Variants in DENND2B observed in about 807,000 individuals in gnomAD.
The protein encoded by DENND2B is DENN domain-containing protein 2B.
In DENND2B, 32 loss-of-function variants were observed where a neutral mutation model predicts 116.0. That is an observed-to-expected ratio of 0.28 (90% confidence interval 0.21 to 0.37). The LOEUF (loss-of-function observed/expected upper bound fraction) is 0.37. Ranked by LOEUF, DENND2B falls within the 10% of genes least tolerant of loss-of-function variation. The pLI is 1.00. For synonymous variants in DENND2B, 588 were observed against 583.9 expected, an observed-to-expected ratio of 1.01 and a Z score of -0.10; for missense variants, 1,276 against 1,477.7, an observed-to-expected ratio of 0.86 and a Z score of 2.24.
intron 2 of DENND2B, among the ~76,000 whole-genome samples, chr11:8,740,737 C>A (rs1211977786): frequency 6.6e-6 from 1 of 152,142 alleles, no homozygotes; most frequent in Non-Finnish European, 1.5e-5. Flanking sequence ...AATGAAACTG[C>A]CTGGAAGGTG....
intron 4 of DENND2B, among the ~76,000 whole-genome samples, chr11:8,723,259 T>C (rs1565727519): frequency 1.3e-5 from 2 of 152,224 alleles, no homozygotes; most frequent in South Asian, 2.1e-4. Context: ...GGTCCTCCCA[T>C]TCTCTATTAT....
At chr11:8,831,712 A>G (rs2062214182) in intron 4 of DENND2B, 1 of 152,188 alleles carries the variant, frequency 6.6e-6, no homozygotes, top group Admixed American at 6.5e-5. Flanking sequence ...AAAAAGATGG[A>G]AAAATTAAAT....
intron 1 of DENND2B, among the ~76,000 whole-genome samples, chr11:8,890,233 C>A (rs977180403): frequency 6.6e-6 from 1 of 152,106 alleles, no homozygotes; most frequent in Non-Finnish European, 1.5e-5. Flanking sequence ...ACACCAAAAC[C>A]CCATATGTAC....
intron 1 of DENND2B, among the ~76,000 whole-genome samples, chr11:8,761,602 T>C (rs1433379962): frequency 6.6e-6 from 1 of 152,164 alleles, no homozygotes; most frequent in African/African-American, 2.4e-5. Flanking sequence ...TCAGTGTCCC[T>C]TGCCCCCCAT....
At chr11:8,708,294 T>C (rs2042969267) in intron 11 of DENND2B, 1 of 985,450 alleles carries the variant, frequency 1.0e-6, no homozygotes. Flanking sequence ...ATACCATTCC[T>C]TTTTTTGCTT....
chr11:8,855,574 T>C (rs1001062174), intron 3 of DENND2B, among the ~76,000 whole-genome samples: 10 of 151,660 alleles, frequency 6.6e-5, no homozygotes, highest in African/African-American at 2.2e-4. Context: ...AAATACCAAG[T>C]GCTGTGCACC....
intron 4 of DENND2B, chr11:8,831,431 C>G (rs980473593): frequency 6.6e-6 from 1 of 152,444 alleles, no homozygotes; most frequent in Admixed American, 6.5e-5. Context: ...CTTTTGTGCT[C>G]CCCACAGCCA....
rs764344582 is a variant in DENND2B, at chr11:8,717,786, C to G, written c.1584G>C (p.Arg528Ser). The G allele has an allele frequency of 3.1e-6, 5 of 1,608,842 alleles. No individual in the cohort carries two copies. Among genetic ancestry groups the G allele is most frequent in the Non-Finnish European group, 3.4e-6 (4 of 1,176,624 alleles). ...ACTTCCTGTCCTGAGGACTCCACAT[C>G]CTGTGCAAAGAGTCCAAGGAGTTCT... is the stretch of plus-strand genomic sequence containing the variant. The part of the protein sequence containing the change: ...LSENSLDSLH[R>S]MWSPQDRKYN... Residue 528 changes from arginine (R) to serine (S), a missense_variant, in exon 5 of 20, where the codon AGG becomes AGC. By Grantham distance (110) the Arg-to-Ser change is moderately radical. Coordinates refer to ENST00000313726, the MANE Select transcript of DENND2B (RefSeq NM_213618.2).
At chr11:8,820,891 G>A (rs923243313) in intron 4 of DENND2B, among the ~76,000 whole-genome samples, 1 of 152,154 alleles carries the variant, frequency 6.6e-6, no homozygotes, top group Non-Finnish European at 1.5e-5. Flanking sequence ...GGAGGCCAAG[G>A]TAGGTGGATC....
rs1441581889 is a variant in DENND2B, at chr11:8,782,880, C to CT, written c.-26+27636dup. On this transcript the variant is annotated intron_variant, in intron 1 of 19. Coordinates refer to ENST00000313726, the MANE Select transcript of DENND2B (RefSeq NM_213618.2). ...CCAGCCTGGGCAACAGTGTGAGACT[C>CT]TGTCTCAAAAAAAAAAAAAAAAAAA... Among the ~76,000 whole-genome samples the CT allele has an allele frequency of 6.8e-5, 7 of 102,974 alleles. No individual in the cohort carries two copies. The Admixed American group carries it at 8.1e-4, about 12-fold the overall frequency. 67.6% of individuals were successfully genotyped at this position (102,974 alleles called of 152,430 possible).
intron 4 of DENND2B, among the ~76,000 whole-genome samples, chr11:8,838,106 A>G (rs1482752646): frequency 6.6e-6 from 1 of 152,180 alleles, no homozygotes; most frequent in Non-Finnish European, 1.5e-5. Flanking sequence ...TACTTTTTCA[A>G]AGTGACTACA....
chr11:8,702,060 C>T lies in DENND2B; in HGVS notation c.2720+512G>A, dbSNP rs1395403710. On this transcript the variant is annotated intron_variant, in intron 14 of 19. Coordinates refer to ENST00000313726, the MANE Select transcript of DENND2B (RefSeq NM_213618.2). This position sits in a 1 kb window ranked among gnomAD's most constrained non-coding sequence, Gnocchi z 4.6. Reference sequence around the variant, plus strand: ...CTCCCCAGCCCTCCCATTGCCCAGCCCTGGGCCACTGCAGTTGCCTTCTCC... The same window carrying T: ...CTCCCCAGCCCTCCCATTGCCCAGCTCTGGGCCACTGCAGTTGCCTTCTCC... Among the ~76,000 whole-genome samples the T allele has an allele frequency of 6.6e-6, 1 of 152,134 alleles. No individual in the cohort carries two copies. Among genetic ancestry groups the T allele is most frequent in the African/African-American group, 2.4e-5 (1 of 41,410 alleles).
intron 1 of DENND2B, among the ~76,000 whole-genome samples, chr11:8,780,015 T>C (rs1332483681): frequency 1.3e-5 from 2 of 152,168 alleles, no homozygotes; most frequent in East Asian, 3.8e-4. Context: ...TTGGCCTGGG[T>C]CAAGCTGTGA....
chr11:8,768,754 C>T (rs1445020697), intron 1 of DENND2B: 2 of 152,558 alleles, frequency 1.3e-5, no homozygotes, highest in African/African-American at 4.8e-5. Flanking sequence ...GACTAGTCAG[C>T]ATGCTCACCA....
intron 4 of DENND2B, among the ~76,000 whole-genome samples, chr11:8,724,751 A>C (rs57049739): frequency 6.6e-6 from 1 of 152,224 alleles, no homozygotes; most frequent in African/African-American, 2.4e-5. Flanking sequence ...GGGTATTTAT[A>C]CAGCAAACAG....
intron 2 of DENND2B, among the ~76,000 whole-genome samples, chr11:8,731,865 T>A (rs1442269402): frequency 2.0e-5 from 3 of 152,188 alleles, no homozygotes; most frequent in Non-Finnish European, 2.9e-5. Context: ...ATGCCACTAA[T>A]CAGCTCTTGT....
intron 1 of DENND2B, among the ~76,000 whole-genome samples, chr11:8,768,070 C>A (rs1055084163): frequency 2.6e-5 from 4 of 151,888 alleles, no homozygotes; most frequent in African/African-American, 9.7e-5. Flanking sequence ...AGAGGCCTCT[C>A]GGTGAGAAAG....
intron 1 of DENND2B, among the ~76,000 whole-genome samples, chr11:8,900,124 C>G (rs1389109333): frequency 2.0e-5 from 3 of 152,146 alleles, no homozygotes; most frequent in Non-Finnish European, 4.4e-5. Context: ...GACACCATCT[C>G]TATAAAAAAT....
At chr11:8,899,903 A>G (rs1283195840) in intron 1 of DENND2B, among the ~76,000 whole-genome samples, 4 of 152,226 alleles carry the variant, frequency 2.6e-5, no homozygotes, top group African/African-American at 9.6e-5. Flanking sequence ...GATCTGTAAC[A>G]TATATGAATG....
Sources: allele counts gnomAD v4.1 joint callset (sites outside exome capture counted in the v4.1 genomes callset), GRCh38; gene constraint gnomAD v4.1.1; non-coding constraint Gnocchi (gnomAD v3.1); transcripts MANE v1.5; gene names NCBI Gene and HGNC (gene_info 2026-07-23, HGNC 2026-07-21).